DSE: variants seen among roughly 807,000 people sequenced by gnomAD.
The protein encoded by DSE is dermatan-sulfate epimerase.
In DSE, 36 loss-of-function variants were observed where a neutral mutation model predicts 84.4. The ratio of observed to expected loss-of-function variants is 0.43; its 90% CI spans 0.33 to 0.56. The LOEUF (loss-of-function observed/expected upper bound fraction) is 0.56. Ranked by LOEUF, DSE falls within the 20% of genes least tolerant of loss-of-function variation. DSE has a pLI of 0.06. For synonymous variants in DSE, 410 were observed against 430.1 expected (o/e 0.95, Z 0.58); for missense variants, 862 against 1,169.6 (o/e 0.74, Z 3.84).
chr6:116,391,638 T>C (rs1305163704), intron 1 of DSE, among the ~76,000 whole-genome samples: 3 of 151,520 alleles, frequency 2.0e-5, no homozygotes, highest in African/African-American at 7.3e-5. Context: ...TGGTGGCGGG[T>C]GCCTGTAGTC....
intron 2 of DSE, among the ~76,000 whole-genome samples, chr6:116,358,683 CAAAG>C (rs1161967062): frequency 3.9e-5 from 6 of 152,176 alleles, no homozygotes; most frequent in Admixed American, 3.9e-4. Context: ...CTTGGACAAA[CAAAG>C]ATAGTGTATT....
chr6:116,318,691 C>T (rs1776133526), intron 2 of DSE, among the ~76,000 whole-genome samples: 1 of 152,094 alleles, frequency 6.6e-6, no homozygotes. Flanking sequence ...ATTTCAGCAT[C>T]AAATTACCTG....
chr6:116,281,586 C>A (rs1773539981), intron 2 of DSE, among the ~76,000 whole-genome samples: 1 of 152,084 alleles, frequency 6.6e-6, no homozygotes, highest in African/African-American at 2.4e-5. Flanking sequence ...TATACTTAGG[C>A]AAATGCACAG....
intron 1 of DSE, among the ~76,000 whole-genome samples, chr6:116,387,467 A>G (rs1011914613): frequency 1.3e-5 from 2 of 152,186 alleles, no homozygotes; most frequent in African/African-American, 2.4e-5. Flanking sequence ...CTTAGACGGC[A>G]GGTTATGAGG....
chr6:116,319,504 A>G (rs1333119471), intron 2 of DSE, among the ~76,000 whole-genome samples: 1 of 152,238 alleles, frequency 6.6e-6, no homozygotes, highest in East Asian at 1.9e-4. Context: ...AAAGCAAATC[A>G]CATGGTCACA....
chr6:116,362,628 G>A (rs1029697501), intron 2 of DSE, among the ~76,000 whole-genome samples: 2 of 152,180 alleles, frequency 1.3e-5, no homozygotes, highest in African/African-American at 2.4e-5. Flanking sequence ...CCAGCACCGT[G>A]AGAAATAAAT....
intron 1 of DSE, among the ~76,000 whole-genome samples, chr6:116,383,689 T>C (rs930598626): frequency 2.6e-5 from 4 of 152,256 alleles, no homozygotes; most frequent in African/African-American, 9.6e-5. Context: ...TTATCATTCA[T>C]CTTCCTTACA....
At chr6:116,353,486 G>T (rs1258343610) in intron 2 of DSE, among the ~76,000 whole-genome samples, 6 of 152,080 alleles carry the variant, frequency 3.9e-5, no homozygotes, top group African/African-American at 7.2e-5. Flanking sequence ...TCTCAGTAAG[G>T]TTCTTTAAAT....
intron 2 of DSE, among the ~76,000 whole-genome samples, chr6:116,302,206 G>A (rs756626026): frequency 1.1e-4 from 17 of 152,124 alleles, no homozygotes; most frequent in African/African-American, 1.7e-4. Flanking sequence ...TTGAGGAATC[G>A]CCACACTGTC....
intron 2 of DSE, among the ~76,000 whole-genome samples, chr6:116,329,262 G>C (rs900944329): frequency 2.6e-5 from 4 of 152,108 alleles, no homozygotes; most frequent in Non-Finnish European, 5.9e-5. Context: ...TAATCACTCT[G>C]CTGTAATTGT....
intron 2 of DSE, among the ~76,000 whole-genome samples, chr6:116,301,247 G>A (rs192384667): frequency 9.1e-4 from 139 of 152,108 alleles, no homozygotes; most frequent in African/African-American, 3.1e-3. Context: ...AACCTCCCTC[G>A]GGGCTTCTCC....
chr6:116,350,582 T>A (rs1410234874), intron 2 of DSE, among the ~76,000 whole-genome samples: 1 of 152,136 alleles, frequency 6.6e-6, no homozygotes, highest in African/African-American at 2.4e-5. Flanking sequence ...AAAGTCCAAC[T>A]GACACAATTG....
intron 2 of DSE, among the ~76,000 whole-genome samples, chr6:116,409,387 C>G (rs565980668): frequency 6.6e-6 from 1 of 152,310 alleles, no homozygotes; most frequent in African/African-American, 2.4e-5. Flanking sequence ...TGCCATTCTC[C>G]TGCCTCAGCC....
intron 1 of DSE, among the ~76,000 whole-genome samples, chr6:116,384,551 A>C (rs1458030202): frequency 6.6e-6 from 1 of 152,134 alleles, no homozygotes; most frequent in Non-Finnish European, 1.5e-5. Context: ...ACTCTGTGAT[A>C]ATCACTCAGA....
intron 2 of DSE, among the ~76,000 whole-genome samples, chr6:116,331,232 C>T (rs928419642): frequency 2.6e-5 from 4 of 152,112 alleles, no homozygotes; most frequent in African/African-American, 2.4e-5. Flanking sequence ...TTAGTTCATT[C>T]TCTTGCTGCT....
At position 116,268,287 on chromosome 6, in the gene DSE, A is replaced by G. The variant is rs1001435491; in HGVS notation, c.-54+9320A>G. ...ACTTGCCATTGTGTTCCTATTGCTTATAGAATTCAGTACAGTAATATGCTG... is the reference window on the plus strand; with the variant it reads ...ACTTGCCATTGTGTTCCTATTGCTTGTAGAATTCAGTACAGTAATATGCTG... On this transcript the variant is annotated intron_variant, in intron 2 of 3. Transcript: ENST00000430252. Among the ~76,000 whole-genome samples the G allele has an allele frequency of 3.9e-5, 6 of 152,200 alleles. No homozygotes were observed. In the East Asian group the frequency reaches 1.2e-3, roughly 29 times the overall value.
intron 1 of DSE, among the ~76,000 whole-genome samples, chr6:116,379,093 T>G (rs1780083144): frequency 6.6e-6 from 1 of 152,192 alleles, no homozygotes; most frequent in African/African-American, 2.4e-5. Context: ...TCCCATGGTT[T>G]TAGGCCTGTG....
chr6:116,289,051 A>G (rs1242723751), intron 2 of DSE, among the ~76,000 whole-genome samples: 1 of 152,072 alleles, frequency 6.6e-6, no homozygotes, highest in African/African-American at 2.4e-5. Context: ...TAAAACTTAC[A>G]TATTTAAAAT....
intron 2 of DSE, chr6:116,279,020 T>A: frequency 6.2e-7 from 1 of 1,613,990 alleles, no homozygotes; most frequent in Non-Finnish European, 8.5e-7. Context: ...TTCTGAATGA[T>A]GTAGTTCCTC....
Sources: gnomAD v4.1 joint callset for allele counts (sites outside exome capture counted in the v4.1 genomes callset) on GRCh38, gnomAD v4.1.1 for gene constraint, MANE v1.5 for transcripts, NCBI Gene and HGNC (gene_info 2026-07-23, HGNC 2026-07-21) for gene names.